The following PLSCR4 variants were observed in gnomAD, a reference collection of about 807,000 sequenced individuals.
PLSCR4 encodes phospholipid scramblase 4, also known as Ca(2+)-dependent phospholipid scramblase 4.
PLSCR4 carries 25 observed loss-of-function variants against 36.3 expected under a neutral mutation model. That is an observed-to-expected ratio of 0.69 (90% CI 0.50 to 0.96). PLSCR4 has a LOEUF of 0.96. PLSCR4 is among the 40% of genes least tolerant of loss of function. The probability of loss-of-function intolerance (pLI) is 0.00; values close to 1 mark genes in which losing one functional copy is unlikely to be tolerated. For synonymous variants in PLSCR4, 122 were observed against 132.9 expected (o/e 0.92, Z 0.56); for missense variants, 408 against 414.7 (o/e 0.98, Z 0.14).
intron 1 of PLSCR4, among the ~76,000 whole-genome samples, chr3:146,231,073 T>G (rs1006309257): frequency 1.3e-5 from 2 of 152,122 alleles, no homozygotes; most frequent in Non-Finnish European, 2.9e-5. Context: ...ATTGTTTCCA[T>G]GTGTACTCAA....
At chr3:146,248,603 A>ATAT (rs1265160275) in intron 1 of PLSCR4, among the ~76,000 whole-genome samples, 1 of 152,198 alleles carries the variant, frequency 6.6e-6, no homozygotes, top group Admixed American at 6.5e-5. Flanking sequence ...TTTAAACTGT[A>ATAT]TATTATTCCA....
At chr3:146,243,283 A>C (rs1444687372) in intron 1 of PLSCR4, among the ~76,000 whole-genome samples, 1 of 152,126 alleles carries the variant, frequency 6.6e-6, no homozygotes, top group East Asian at 1.9e-4. Context: ...TGTGCACAAC[A>C]TGCAGGTTTG....
chr3:146,235,529 C>A (rs9825776), intron 1 of PLSCR4, among the ~76,000 whole-genome samples: 116,282 of 151,944 alleles, frequency 0.77, 45,591 homozygotes, highest in Non-Finnish European at 0.86. Flanking sequence ...ATTACCCAGT[C>A]TCAGGTATTT....
chr3:146,240,068 A>C (rs2036088419), intron 1 of PLSCR4, among the ~76,000 whole-genome samples: 1 of 152,188 alleles, frequency 6.6e-6, no homozygotes, highest in African/African-American at 2.4e-5. Flanking sequence ...AAGGTTTGTA[A>C]TTCAAAGGAC....
At chr3:146,195,359 T>C (rs2033676174) in intron 7 of PLSCR4, 77 bp from the exon 8 acceptor site, 6 of 1,140,686 alleles carry the variant, frequency 5.3e-6, no homozygotes, top group South Asian at 3.9e-5. Context: ...TATGTTCAGA[T>C]AACATAAATA....
intron 3 of PLSCR4, among the ~76,000 whole-genome samples, chr3:146,209,285 G>C (rs191898883): frequency 5.9e-5 from 9 of 152,134 alleles, no homozygotes; most frequent in Non-Finnish European, 8.8e-5. Flanking sequence ...AAGGGGGTGA[G>C]GGATAAAAGG....
chr3:146,225,706 G>T (rs1401974259), intron 1 of PLSCR4, among the ~76,000 whole-genome samples: 2 of 152,208 alleles, frequency 1.3e-5, no homozygotes, highest in East Asian at 3.9e-4. Context: ...GGGGCCAGCA[G>T]GGCTGGCCGA....
chr3:146,224,527 T>C (rs1229279048), intron 1 of PLSCR4, among the ~76,000 whole-genome samples: 3 of 149,264 alleles, frequency 2.0e-5, no homozygotes, highest in Admixed American at 6.6e-5. Flanking sequence ...TTCCTTCTGG[T>C]GGGTTCGTGG....
chr3:146,210,654 T>C (rs555163168), intron 3 of PLSCR4, among the ~76,000 whole-genome samples: 9 of 152,128 alleles, frequency 5.9e-5, no homozygotes, highest in Admixed American at 4.6e-4. Context: ...GTTTTAAGTA[T>C]ATTCTCAAAG....
At chr3:146,211,601 A>G (rs933424960) in intron 3 of PLSCR4, among the ~76,000 whole-genome samples, 3 of 152,214 alleles carry the variant, frequency 2.0e-5, no homozygotes, top group African/African-American at 7.2e-5. Flanking sequence ...GTGTCATATC[A>G]TATCTAAGAA....
intron 4 of PLSCR4, among the ~76,000 whole-genome samples, chr3:146,204,660 CCT>C (rs1014147228): frequency 4.0e-5 from 6 of 151,770 alleles, no homozygotes; most frequent in African/African-American, 1.5e-4. Flanking sequence ...GTTAAATTAA[CCT>C]CTGTCAGAAT....
chr3:146,241,297 C>T (rs2036140420), intron 1 of PLSCR4, among the ~76,000 whole-genome samples: 1 of 152,150 alleles, frequency 6.6e-6, no homozygotes, highest in Non-Finnish European at 1.5e-5. Flanking sequence ...CAACTGTACA[C>T]TTTGAATGGG....
intron 3 of PLSCR4, among the ~76,000 whole-genome samples, chr3:146,216,871 G>C (rs1209291949): frequency 6.6e-6 from 1 of 152,052 alleles, no homozygotes; most frequent in Non-Finnish European, 1.5e-5. Flanking sequence ...CAGTGGTCTG[G>C]GGTCAACCAA....
rs1423544015 is a variant in PLSCR4 at position 146,214,410 on chromosome 3, ACCGCGCCCGGCCC to A, written c.118+6392_118+6404del. 6.3e-4 allele frequency among the ~76,000 whole-genome samples: 6 copies of A among 9,490 alleles called. 2 individuals are homozygous for A. Among genetic ancestry groups the A allele is most frequent in the Non-Finnish European group, 9.2e-4 (3 of 3,246 alleles). 6.2% of individuals were successfully genotyped at this position (9,490 alleles called of 152,430 possible). ...AGTGCTGGGATTACAGGCGTGAGCCACCGCGCCCGGCCCTCTTCCTTTTTTTTTAATGGAGGTG... is the reference window on the plus strand; with the variant it reads ...AGTGCTGGGATTACAGGCGTGAGCCATCTTCCTTTTTTTTTAATGGAGGTG... On this transcript the variant is annotated intron_variant, in intron 3 of 8. Transcript: ENST00000354952.
intron 1 of PLSCR4, among the ~76,000 whole-genome samples, chr3:146,234,109 A>G (rs2035823125): frequency 6.6e-6 from 1 of 152,200 alleles, no homozygotes; most frequent in Admixed American, 6.5e-5. Context: ...AACAGAATGA[A>G]TGAACAGCTA....
chr3:146,199,831 G>A lies in PLSCR4; in HGVS notation c.606C>T (p.Cys202=), dbSNP rs530412736. The change falls in exon 6 of 9, where the codon TGC becomes TGT. Residue 202 remains cysteine, a synonymous_variant. Transcript: ENST00000354952. Reference sequence around the variant, plus strand: ...CTCTGACCTCTTGTCTGGCAGAGGGGCAACAGAAGCAACAGCAGGTGCATC... The same window carrying A: ...CTCTGACCTCTTGTCTGGCAGAGGGACAACAGAAGCAACAGCAGGTGCATC... ...PFRCTCCCFC[C]PSARQELEVQ... 1.2e-6 allele frequency: 2 copies of A among 1,612,630 alleles called. No homozygotes were observed. Among genetic ancestry groups the A allele is most frequent in the Admixed American group, 1.7e-5 (1 of 59,806 alleles).
At chr3:146,232,652 G>A (rs1199865049) in intron 1 of PLSCR4, among the ~76,000 whole-genome samples, 1 of 152,082 alleles carries the variant, frequency 6.6e-6, no homozygotes, top group Non-Finnish European at 1.5e-5. Context: ...GGCCATTACT[G>A]GTGTATAGAA....
intron 5 of PLSCR4, among the ~76,000 whole-genome samples, chr3:146,200,628 G>A (rs559654619): frequency 6.6e-6 from 1 of 152,198 alleles, no homozygotes; most frequent in East Asian, 1.9e-4. Flanking sequence ...TCTATTTCCA[G>A]CTCTGCCACT....
At chr3:146,230,809 A>T (rs547463207) in intron 1 of PLSCR4, among the ~76,000 whole-genome samples, 3 of 152,236 alleles carry the variant, frequency 2.0e-5, no homozygotes, top group Non-Finnish European at 4.4e-5. Context: ...TAAGCTCCAT[A>T]AAGGAAGAAA....
Sources: allele counts gnomAD v4.1 joint callset (sites outside exome capture counted in the v4.1 genomes callset), GRCh38; gene constraint gnomAD v4.1.1; transcripts MANE v1.5; gene names NCBI Gene and HGNC (gene_info 2026-07-23, HGNC 2026-07-21).